The following BLTP3B variants were observed in gnomAD, a reference collection of about 807,000 sequenced individuals.
BLTP3B encodes UHRF1 (ICBP90) binding protein 1-like.
chr12:100,067,169 C>T, the BLTP3B span, among the ~76,000 whole-genome samples: 1 of 152,172 alleles, frequency 6.6e-6, no homozygotes, highest in South Asian at 2.1e-4. Context: ...CCTATCAAAA[C>T]CTTTGGGACA....
At chr12:100,089,888 G>C in the BLTP3B span, among the ~76,000 whole-genome samples, 4 of 152,082 alleles carry the variant, frequency 2.6e-5, no homozygotes, top group East Asian at 3.9e-4. Flanking sequence ...TCAATCATGG[G>C]GGTGGCTTCC....
the BLTP3B span, among the ~76,000 whole-genome samples, chr12:100,130,413 C>T: frequency 6.6e-6 from 1 of 152,164 alleles, no homozygotes; most frequent in Non-Finnish European, 1.5e-5. Context: ...AGACTGTTTC[C>T]AGAAGACATT....
At chr12:100,040,520 A>C in the BLTP3B span, among the ~76,000 whole-genome samples, 1 of 152,160 alleles carries the variant, frequency 6.6e-6, no homozygotes, top group Non-Finnish European at 1.5e-5. Flanking sequence ...ATCTCTACTA[A>C]AGATACAAAA....
chr12:100,037,345 A>G, the BLTP3B span: 3 of 1,041,146 alleles, frequency 2.9e-6, no homozygotes, highest in Non-Finnish European at 1.2e-6. Flanking sequence ...TTAGGAAATG[A>G]CATCTTCTTT....
chr12:100,040,678 T>C, the BLTP3B span, among the ~76,000 whole-genome samples: 1 of 152,094 alleles, frequency 6.6e-6, no homozygotes, highest in Non-Finnish European at 1.5e-5. Context: ...AGAGCGAGAC[T>C]CCGTCTCAAA....
the BLTP3B span, chr12:100,051,121 G>A: frequency 6.2e-7 from 1 of 1,614,038 alleles, no homozygotes; most frequent in Non-Finnish European, 8.5e-7. Context: ...AATTTGTACT[G>A]ATGGCATCTG....
At chr12:100,063,380 C>G in the BLTP3B span, among the ~76,000 whole-genome samples, 2 of 152,116 alleles carry the variant, frequency 1.3e-5, no homozygotes, top group Admixed American at 1.3e-4. Context: ...ATCACCACAG[C>G]CTGGCTCTCA....
chr12:100,112,225 T>C, the BLTP3B span, among the ~76,000 whole-genome samples: 16 of 152,182 alleles, frequency 1.1e-4, no homozygotes, highest in Non-Finnish European at 2.2e-4. Flanking sequence ...ATGCTTGAAA[T>C]CTCAGCAGTT....
the BLTP3B span, among the ~76,000 whole-genome samples, chr12:100,041,763 T>C: frequency 0.067 from 10,221 of 152,112 alleles, 875 homozygotes; most frequent in African/African-American, 0.2. Context: ...TCAACATTGT[T>C]TTAGAGGTTC....
At chr12:100,098,572 A>G in the BLTP3B span, 1 of 1,579,142 alleles carries the variant, frequency 6.3e-7, no homozygotes, top group Non-Finnish European at 8.6e-7. Flanking sequence ...AAAATACACT[A>G]ATGACAAAAC....
At chr12:100,100,069 A>G in the BLTP3B span, among the ~76,000 whole-genome samples, 1 of 152,056 alleles carries the variant, frequency 6.6e-6, no homozygotes, top group Non-Finnish European at 1.5e-5. Flanking sequence ...GTGGGAGGCC[A>G]AGGCAGGTGG....
the BLTP3B span, among the ~76,000 whole-genome samples, chr12:100,077,778 T>C: frequency 6.6e-6 from 1 of 152,220 alleles, no homozygotes; most frequent in South Asian, 2.1e-4. Context: ...GAATAGATCA[T>C]ATATTATCGT....
At chr12:100,128,564 G>T in the BLTP3B span, 1 of 1,189,382 alleles carries the variant, frequency 8.4e-7, no homozygotes, top group Non-Finnish European at 1.1e-6. Flanking sequence ...AAAAGCATGG[G>T]GAATAGAAGT....
the BLTP3B span, among the ~76,000 whole-genome samples, chr12:100,055,677 CAAAAAA>C: frequency 2.4e-5 from 2 of 83,372 alleles, no homozygotes; most frequent in Admixed American, 1.4e-4. Flanking sequence ...AACTACATCT[CAAAAAA>C]AAAAAAAAAA....
At chr12:100,108,250 C>G in the BLTP3B span, 1 of 958,818 alleles carries the variant, frequency 1.0e-6, no homozygotes, top group Non-Finnish European at 1.5e-6. Flanking sequence ...AGGTATCTTT[C>G]TTTTGAAATT....
At chr12:100,108,463 C>T in the BLTP3B span, 1 of 1,613,708 alleles carries the variant, frequency 6.2e-7, no homozygotes, top group East Asian at 2.2e-5. Context: ...TGGAGTACTT[C>T]TTCATCCAAC....
the BLTP3B span, among the ~76,000 whole-genome samples, chr12:100,056,875 G>A: frequency 2.6e-5 from 4 of 151,776 alleles, no homozygotes; most frequent in African/African-American, 9.7e-5. Context: ...ATTTGCCTCT[G>A]GTATCCTATG....
the BLTP3B span, chr12:100,102,974 C>A: frequency 1.5e-6 from 1 of 663,122 alleles, no homozygotes; most frequent in Non-Finnish European, 2.3e-6. Context: ...AAAAAGTGAG[C>A]AGAGTCATTT....
chr12:100,120,079 C>T, the BLTP3B span, among the ~76,000 whole-genome samples: 4 of 152,100 alleles, frequency 2.6e-5, no homozygotes, highest in South Asian at 4.1e-4. Flanking sequence ...TAAGACAATT[C>T]ACTAACAGGC....
Sources: allele counts gnomAD v4.1 joint callset (sites outside exome capture counted in the v4.1 genomes callset), GRCh38; gene constraint gnomAD v4.1.1; transcripts MANE v1.5; gene names NCBI Gene and HGNC (gene_info 2026-07-23, HGNC 2026-07-21).